Variants in NR3C2 observed in about 807,000 individuals in gnomAD.
NR3C2 encodes the protein mineralocorticoid receptor.
Under a neutral mutation model 86.4 loss-of-function variants are expected in NR3C2, and 15 were observed. That is an observed-to-expected ratio of 0.17 (90% CI 0.12 to 0.27). NR3C2 has a LOEUF of 0.27. Among genes scored for constraint, NR3C2 ranks in the 10% least tolerant of loss-of-function variants. The probability of loss-of-function intolerance (pLI) is 1.00; values close to 1 mark genes in which losing one functional copy is unlikely to be tolerated. For missense variants in NR3C2, 960 were observed against 1,195.6 expected, an observed-to-expected ratio of 0.80 and a Z score of 2.91; for synonymous variants, 458 against 450.5, an observed-to-expected ratio of 1.02 and a Z score of -0.21.
At chr4:148,214,684 C>T in intron 3 of NR3C2, among the ~76,000 whole-genome samples, 1 of 152,152 alleles carries the variant, frequency 6.6e-6, no homozygotes, top group East Asian at 1.9e-4. Context: ...CAGGAGCCTG[C>T]ACGCCCTGGC....
At chr4:148,175,009 A>G (rs191590606) in intron 4 of NR3C2, among the ~76,000 whole-genome samples, 11 of 152,356 alleles carry the variant, frequency 7.2e-5, no homozygotes, top group Non-Finnish European at 1.5e-4. Context: ...TGGTAAAGTC[A>G]GTAGTCCCTT....
chr4:148,120,618 C>G (rs181276765), intron 6 of NR3C2, among the ~76,000 whole-genome samples: 5 of 152,248 alleles, frequency 3.3e-5, no homozygotes, highest in Non-Finnish European at 7.4e-5. Context: ...GTGAGACCAT[C>G]CACAAAGCAG....
In NR3C2 at chr4:148,436,526, A is replaced by G. The variant is rs751526839; in HGVS notation, c.335T>C (p.Val112Ala). 2.5e-6 allele frequency: 4 copies of G among 1,614,046 alleles called. No individual in the cohort carries two copies. The African/African-American group carries it at 5.3e-5, about 22-fold the overall frequency. The stretch of plus-strand genomic sequence containing the variant: ...CTCATAGGAATAGTCAGCATCTCTT[A>G]CAGAATCCATATATAAACCCATGGA... Reference protein sequence around the residue: ...AESMGLYMDSVRDADYSYEQQ... With the variant: ...AESMGLYMDSARDADYSYEQQ... Residue 112 changes from valine to alanine, a missense_variant, in exon 2 of 9, where the codon GTA becomes GCA. Around this residue, in one of 4 missense-constraint regions of NR3C2, gnomAD observed 680 missense variants for 719.0 expected, o/e 0.95. Transcript: ENST00000358102.
intron 4 of NR3C2, among the ~76,000 whole-genome samples, chr4:148,192,355 G>A (rs1039773933): frequency 2.0e-5 from 3 of 152,168 alleles, no homozygotes; most frequent in Non-Finnish European, 4.4e-5. Context: ...TCTCAGGTGG[G>A]GATACCAGCA....
chr4:148,302,369 T>C (rs1217031324), intron 2 of NR3C2, among the ~76,000 whole-genome samples: 1 of 144,822 alleles, frequency 6.9e-6, no homozygotes, highest in East Asian at 2.1e-4. Flanking sequence ...GAAAACTTAT[T>C]TGGAGCTATT....
chr4:148,224,257 G>A lies in NR3C2; in HGVS notation c.1898-29395C>T, dbSNP rs552106868. On this transcript the variant is annotated intron_variant, in intron 3 of 8. Coordinates refer to ENST00000358102, the MANE Select transcript of NR3C2 (RefSeq NM_000901.5). ...TGAGCTAGAGAGTCAAGAATTTTAT[G>A]ACTAAGAGAAAAATTGAATTTTAAA... Among the ~76,000 whole-genome samples, 10 of 152,132 alleles carry A rather than the reference G, an allele frequency of 6.6e-5. 1 individual carries two copies. In the Middle Eastern group the frequency reaches 0.017, roughly 261 times the overall value.
chr4:148,090,929 T>C (rs529071208), intron 8 of NR3C2, among the ~76,000 whole-genome samples: 3 of 152,354 alleles, frequency 2.0e-5, no homozygotes, highest in South Asian at 2.1e-4. Flanking sequence ...GCAGGTGGCA[T>C]TGGCCTGGCA....
intron 8 of NR3C2, among the ~76,000 whole-genome samples, chr4:148,101,123 C>A (rs1731517064): frequency 6.6e-6 from 1 of 152,138 alleles, no homozygotes; most frequent in South Asian, 2.1e-4. Context: ...ACACTGTACA[C>A]TGAAAAACGG....
At chr4:148,113,651 CTATGGTT>C (rs1732142109) in intron 8 of NR3C2, among the ~76,000 whole-genome samples, 1 of 152,148 alleles carries the variant, frequency 6.6e-6, no homozygotes, top group Non-Finnish European at 1.5e-5. Context: ...GAGAATAACC[CTATGGTT>C]TAAGAAGAAT....
rs552042188 is a variant in NR3C2 at position 148,093,214 on chromosome 4, C to T, written c.2800-11715G>A. 8.5e-5 allele frequency among the ~76,000 whole-genome samples: 13 copies of T among 152,374 alleles called. No homozygotes were observed. In the South Asian group the frequency reaches 1.9e-3, roughly 22 times the overall value. ...ACTGATGGCACTTGGCTCGCTCTGA[C>T]AATGAGGCCGTGGGGCTCAATCTGC... On this transcript the variant is annotated intron_variant, in intron 8 of 8. Coordinates refer to ENST00000358102, the MANE Select transcript of NR3C2 (RefSeq NM_000901.5).
At chr4:148,306,768 A>C (rs1183748817) in intron 2 of NR3C2, among the ~76,000 whole-genome samples, 1 of 152,226 alleles carries the variant, frequency 6.6e-6, no homozygotes, top group Admixed American at 6.5e-5. Context: ...CATAGAGTTA[A>C]ATGCATAATT....
chr4:148,082,665 GTT>G (rs11381991), intron 8 of NR3C2, among the ~76,000 whole-genome samples: 29 of 130,920 alleles, frequency 2.2e-4, no homozygotes, highest in African/African-American at 6.8e-4. Context: ...GCTAGCTGCA[GTT>G]TTTTTTTTTT....
chr4:148,213,097 A>G (rs1281813984), intron 3 of NR3C2, among the ~76,000 whole-genome samples: 1 of 151,382 alleles, frequency 6.6e-6, no homozygotes, highest in Non-Finnish European at 1.5e-5. Flanking sequence ...GAGAAATGCA[A>G]TTTCTCCAAA....
chr4:148,120,647 ACTCTTGTTC>A (rs1364564605), intron 6 of NR3C2, among the ~76,000 whole-genome samples: 3 of 152,072 alleles, frequency 2.0e-5, no homozygotes, highest in Admixed American at 6.6e-5. Flanking sequence ...CTGTGATCTG[ACTCTTGTTC>A]CTTTTCAGCC....
At chr4:148,086,674 G>T (rs1362732207) in intron 8 of NR3C2, among the ~76,000 whole-genome samples, 2 of 152,182 alleles carry the variant, frequency 1.3e-5, no homozygotes, top group East Asian at 3.9e-4. Flanking sequence ...CCTGAGAAGT[G>T]GAGGTTGCAG....
chr4:148,087,445 C>A (rs1224981479), intron 8 of NR3C2, among the ~76,000 whole-genome samples: 1 of 152,106 alleles, frequency 6.6e-6, no homozygotes, highest in Non-Finnish European at 1.5e-5. Flanking sequence ...CCAAGATAAT[C>A]CTAAGCAAAA....
chr4:148,371,867 G>C (rs984139286), intron 2 of NR3C2, among the ~76,000 whole-genome samples: 3 of 152,246 alleles, frequency 2.0e-5, no homozygotes, highest in African/African-American at 7.2e-5. Context: ...TATAAAATTA[G>C]AATGAGTAGA....
chr4:148,223,055 A>G (rs1460506429), intron 3 of NR3C2, among the ~76,000 whole-genome samples: 2 of 152,252 alleles, frequency 1.3e-5, no homozygotes, highest in African/African-American at 2.4e-5. Flanking sequence ...AATGTAAACT[A>G]TAATTCTTAG....
chr4:148,277,437 C>T (rs1741013586), intron 2 of NR3C2, among the ~76,000 whole-genome samples: 1 of 151,932 alleles, frequency 6.6e-6, no homozygotes, highest in African/African-American at 2.4e-5. Context: ...ATATGTAAGC[C>T]CAAGCACAGT....
Sources: allele counts gnomAD v4.1 joint callset (sites outside exome capture counted in the v4.1 genomes callset), GRCh38; gene constraint gnomAD v4.1.1; regional missense constraint gnomAD v4.1.1; transcripts MANE v1.5; gene names NCBI Gene and HGNC (gene_info 2026-07-23, HGNC 2026-07-21).